Variants in OXR1 observed in about 807,000 individuals in gnomAD.
The protein encoded by OXR1 is oxidation resistance 1, also known as oxidation resistance protein 1.
OXR1 carries 41 observed loss-of-function variants against 104.6 expected under a neutral mutation model. That is an observed-to-expected ratio of 0.39 (90% CI 0.31 to 0.51). OXR1 has a LOEUF of 0.51. Among genes scored for constraint, OXR1 ranks in the 20% least tolerant of loss-of-function variants. The pLI is 0.77. For synonymous variants in OXR1, 348 were observed against 348.4 expected, an observed-to-expected ratio of 1.00 and a Z score of 0.01; for missense variants, 955 against 1,031.9, an observed-to-expected ratio of 0.93 and a Z score of 1.02.
intron 1 of OXR1, chr8:106,272,485 G>A (rs1186008877): frequency 6.6e-6 from 1 of 152,212 alleles, no homozygotes; most frequent in African/African-American, 2.4e-5. Context: ...GTCAGAAATA[G>A]TTCAGGACAT....
intron 3 of OXR1, among the ~76,000 whole-genome samples, chr8:106,526,334 A>G (rs1813658629): frequency 6.6e-6 from 1 of 152,212 alleles, no homozygotes; most frequent in South Asian, 2.1e-4. Flanking sequence ...GAAAAGACTA[A>G]TGGAATTGAT....
intron 3 of OXR1, among the ~76,000 whole-genome samples, chr8:106,632,286 T>A (rs929962444): frequency 6.6e-6 from 1 of 152,214 alleles, no homozygotes; most frequent in African/African-American, 2.4e-5. Context: ...ATTGAAGTGA[T>A]TACATAAAAC....
intron 7 of OXR1, among the ~76,000 whole-genome samples, chr8:106,699,851 TTATG>T (rs1252127658): frequency 2.6e-5 from 4 of 152,214 alleles, no homozygotes; most frequent in Non-Finnish European, 5.9e-5. Context: ...AAAAGATTAT[TTATG>T]TAACAATTAT....
At chr8:106,748,417 G>A (rs576391667) in intron 16 of OXR1, among the ~76,000 whole-genome samples, 3 of 152,082 alleles carry the variant, frequency 2.0e-5, no homozygotes, top group Non-Finnish European at 2.9e-5. Context: ...TCATCAGAAC[G>A]TCATCACTGG....
In OXR1 at chr8:106,405,184, A is replaced by G. The variant is rs1818179830; in HGVS notation, c.23+45548A>G. ...TATATATATATATATATATATATATATATATATATATATATATAGTGTGTG... is the reference window on the plus strand; with the variant it reads ...TATATATATATATATATATATATATGTATATATATATATATATAGTGTGTG... On this transcript the variant is annotated intron_variant, in intron 2 of 16. Transcript: ENST00000517566. 5.1e-3 allele frequency among the ~76,000 whole-genome samples: 67 copies of G among 13,080 alleles called. 2 individuals carry two copies. The highest frequency in any genetic ancestry group is 0.018 in the African/African-American group (45 of 2,478). 8.6% of individuals were successfully genotyped at this position (13,080 alleles called of 152,430 possible).
intron 2 of OXR1, among the ~76,000 whole-genome samples, chr8:106,425,666 A>G (rs1819087773): frequency 6.6e-6 from 1 of 152,106 alleles, no homozygotes; most frequent in South Asian, 2.1e-4. Context: ...GAGTTTTTTT[A>G]TCTTGGAATT....
chr8:106,674,677 C>T (rs1467565705), intron 3 of OXR1, among the ~76,000 whole-genome samples: 1 of 152,140 alleles, frequency 6.6e-6, no homozygotes, highest in Non-Finnish European at 1.5e-5. Flanking sequence ...TCCCCATACT[C>T]TCCCTGAGTT....
intron 2 of OXR1, among the ~76,000 whole-genome samples, chr8:106,395,990 C>A (rs1451775311): frequency 6.6e-6 from 1 of 152,110 alleles, no homozygotes; most frequent in African/African-American, 2.4e-5. Flanking sequence ...AAGACTGGAA[C>A]CATTAAAGCA....
chr8:106,566,152 C>T (rs1034492233), intron 3 of OXR1, among the ~76,000 whole-genome samples: 1 of 152,112 alleles, frequency 6.6e-6, no homozygotes, highest in Non-Finnish European at 1.5e-5. Context: ...AGAGCTTCTG[C>T]TCAGCAAAAG....
intron 2 of OXR1, among the ~76,000 whole-genome samples, chr8:106,395,678 A>G (rs561925388): frequency 6.6e-6 from 1 of 152,264 alleles, no homozygotes; most frequent in South Asian, 2.1e-4. Context: ...ATGTGTGTAT[A>G]CATCGTTTAG....
chr8:106,739,623 G>A (rs1277975619), intron 13 of OXR1, 40 bp downstream of exon 13: 6 of 1,599,330 alleles, frequency 3.8e-6, no homozygotes, highest in African/African-American at 2.7e-5. Flanking sequence ...GAGTGTGAGT[G>A]TGTACCCATG....
intron 3 of OXR1, among the ~76,000 whole-genome samples, chr8:106,538,831 A>C (rs1259926293): frequency 6.6e-6 from 1 of 152,194 alleles, no homozygotes; most frequent in Non-Finnish European, 1.5e-5. Flanking sequence ...GAAATTCTTC[A>C]ACGTGGGGAA....
At chr8:106,417,410 T>C (rs1204392396) in intron 2 of OXR1, among the ~76,000 whole-genome samples, 2 of 152,144 alleles carry the variant, frequency 1.3e-5, no homozygotes, top group African/African-American at 4.8e-5. Context: ...TAAGGTTTAC[T>C]ATAGTGTGTT....
intron 7 of OXR1, among the ~76,000 whole-genome samples, chr8:106,695,931 T>A (rs981510094): frequency 1.3e-5 from 2 of 152,168 alleles, no homozygotes; most frequent in African/African-American, 4.8e-5. Context: ...CTTATTAACA[T>A]CTTGCTTTTG....
intron 3 of OXR1, among the ~76,000 whole-genome samples, chr8:106,614,940 G>A (rs1458373395): frequency 1.3e-5 from 2 of 152,086 alleles, no homozygotes; most frequent in African/African-American, 2.4e-5. Flanking sequence ...TGCATATTCC[G>A]CAGATGCTAA....
intron 3 of OXR1, among the ~76,000 whole-genome samples, chr8:106,588,176 G>A (rs1421294097): frequency 6.6e-6 from 1 of 152,036 alleles, no homozygotes; most frequent in Non-Finnish European, 1.5e-5. Flanking sequence ...AGCCAGGATG[G>A]TCTCGATCTC....
chr8:106,686,594 T>C (rs1267453375), intron 6 of OXR1, among the ~76,000 whole-genome samples: 1 of 152,198 alleles, frequency 6.6e-6, no homozygotes, highest in Admixed American at 6.5e-5. Context: ...TTTTATTAGA[T>C]ATAGTTTACA....
chr8:106,405,185 TA>T (rs1818180667), intron 2 of OXR1, among the ~76,000 whole-genome samples: 1 of 12,654 alleles, frequency 7.9e-5, no homozygotes, highest in Non-Finnish European at 1.3e-4. Flanking sequence ...TATATATATA[TA>T]TATATATATA....
In OXR1 at chr8:106,274,605, C is replaced by CA. The variant is rs1157828734; in HGVS notation, c.-139+4238_-139+4239insA. On this transcript the variant is annotated intron_variant, in intron 1 of 16. Coordinates refer to ENST00000517566, the MANE Select transcript of OXR1 (RefSeq NM_001198533.2). Reference sequence around the variant, plus strand: ...CTGGGGCACCCAGCAACGCCACCCCCCCCCCGACCCCGCCCTTTCTCCTGT... The same window carrying CA: ...CTGGGGCACCCAGCAACGCCACCCCCACCCCCGACCCCGCCCTTTCTCCTGT... 3.0e-5 allele frequency among the ~76,000 whole-genome samples: 4 copies of CA among 134,494 alleles called. No homozygotes were observed. In the South Asian group the frequency reaches 1.2e-3, roughly 41 times the overall value. The allele number at this position is 134,494 out of a possible 152,430, so 88.2% of individuals were successfully genotyped here.
Sources: allele counts gnomAD v4.1 joint callset (sites outside exome capture counted in the v4.1 genomes callset), GRCh38; gene constraint gnomAD v4.1.1; transcripts MANE v1.5; gene names NCBI Gene and HGNC (gene_info 2026-07-23, HGNC 2026-07-21).